Variants in GPAM observed in about 807,000 individuals in gnomAD.
The protein encoded by GPAM is glycerol-3-phosphate acyltransferase, mitochondrial, also known as glycerol-3-phosphate acyltransferase 1, mitochondrial.
Under a neutral mutation model 105.0 loss-of-function variants are expected in GPAM, and 56 were observed. The observed-to-expected ratio is 0.53, with a 90% confidence interval of 0.43 to 0.67. The LOEUF (loss-of-function observed/expected upper bound fraction) is 0.67. Among genes scored for constraint, GPAM ranks in the 30% least tolerant of loss-of-function variants. The pLI is 0.00. For missense variants in GPAM, 855 were observed against 989.8 expected, an observed-to-expected ratio of 0.86 and a Z score of 1.83; for synonymous variants, 368 against 354.4, an observed-to-expected ratio of 1.04 and a Z score of -0.43.
At chr10:112,164,157 T>A (rs987105930) in intron 13 of GPAM, among the ~76,000 whole-genome samples, 3 of 152,206 alleles carry the variant, frequency 2.0e-5, no homozygotes, top group Non-Finnish European at 2.9e-5. Flanking sequence ...TTCTCTAAGT[T>A]AAAATTCAAT....
At chr10:112,185,077 T>C (rs1847575649), upstream of GPAM, among the ~76,000 whole-genome samples, 1 of 152,290 alleles carries the variant, frequency 6.6e-6, no homozygotes, top group African/African-American at 2.4e-5. Context: ...AACCTCATAA[T>C]TCACAACTCA....
chr10:112,191,721 G>A (rs577969876), intron 1 of GPAM, among the ~76,000 whole-genome samples: 20 of 152,232 alleles, frequency 1.3e-4, no homozygotes, highest in Non-Finnish European at 2.8e-4. Flanking sequence ...AATTCTAAAT[G>A]GGCCTTTGTT....
intron 3 of GPAM, among the ~76,000 whole-genome samples, chr10:112,181,115 T>C (rs1847499428): frequency 1.3e-5 from 2 of 151,832 alleles, no homozygotes; most frequent in African/African-American, 4.8e-5. Context: ...TCTTCTATTC[T>C]AAAAATGCTT....
intron 18 of GPAM, 33 bp downstream of exon 18, chr10:112,158,283 T>C (rs1171450165): frequency 3.3e-6 from 4 of 1,212,488 alleles, no homozygotes; most frequent in Admixed American, 3.4e-5. Context: ...AGAGTAAGTA[T>C]AAAGACAAAT....
chr10:112,153,653 G>C lies in GPAM; in HGVS notation c.2384C>G (p.Thr795Ser). The C allele has an allele frequency of 1.2e-6, 2 of 1,609,572 alleles. No homozygotes were observed. The highest frequency in any genetic ancestry group is 1.7e-6 in the Non-Finnish European group (2 of 1,176,244). ...TAAAACAGACACTCTCTTTTGTTTG[G>C]TCTCCTTGAAAACCTAAAGAAAAGG... is the stretch of plus-strand genomic sequence containing the variant. ...MFKDIGVFKETKQKRVSVLEL... is the reference protein window; with the variant it reads ...MFKDIGVFKESKQKRVSVLEL... Residue 795 changes from threonine to serine, a missense_variant, in exon 22 of 22, where the codon ACC becomes AGC. Physicochemically the swap from Thr to Ser is moderately conservative, Grantham distance 58. Transcript: ENST00000348367.
intron 17 of GPAM, 134 bp from the exon 18 acceptor site, chr10:112,158,527 T>C (rs1414457795): frequency 1.5e-6 from 1 of 687,578 alleles, no homozygotes; most frequent in Admixed American, 2.1e-5. Context: ...GCAAGTCCTG[T>C]GATTCCCAGT....
chr10:112,223,001 C>G, the GPAM span, among the ~76,000 whole-genome samples: 2 of 152,102 alleles, frequency 1.3e-5, no homozygotes, highest in Admixed American at 6.5e-5. Context: ...CACATGTACC[C>G]CAGGCCACTC....
upstream of GPAM, among the ~76,000 whole-genome samples, chr10:112,185,182 T>A (rs2263608): frequency 0.68 from 104,041 of 152,012 alleles, 35,763 homozygotes; most frequent in South Asian, 0.83. Context: ...CACCAAAGGA[T>A]TAAACCGTTT....
chr10:112,151,222 T>C lies in GPAM; in HGVS notation c.*2328A>G. On this transcript the variant is annotated 3_prime_UTR_variant, in exon 22 of 22. Transcript: ENST00000348367. ...AATAAATTATTTACAAGCACCTAGTTTGTTTAACCTTATGTGGAAGCCATC... is the reference window on the plus strand; with the variant it reads ...AATAAATTATTTACAAGCACCTAGTCTGTTTAACCTTATGTGGAAGCCATC... The C allele has an allele frequency of 2.0e-6, 2 of 985,518 alleles. No homozygotes were observed. The highest frequency in any genetic ancestry group is 2.4e-6 in the Non-Finnish European group (2 of 829,612). 61.0% of individuals were successfully genotyped at this position (985,518 alleles called of 1,614,324 possible).
At chr10:112,182,389 A>G (rs1847525396) in intron 2 of GPAM, among the ~76,000 whole-genome samples, 1 of 152,262 alleles carries the variant, frequency 6.6e-6, no homozygotes, top group South Asian at 2.1e-4. Context: ...ATACAAAGCT[A>G]CAAAGCTCTG....
Position 112,151,694 on chromosome 10 carries a change from C to A in GPAM, c.*1856G>T. On this transcript the variant is annotated 3_prime_UTR_variant, in exon 22 of 22. Transcript: ENST00000348367. ...TGTCGACTGGGAAGCGAGTCCCAAT[C>A]TTGAATAATGGTGAGCTTGAGTAAT... 2.0e-6 allele frequency: 2 copies of A among 985,248 alleles called. No individual in the cohort carries two copies. Among genetic ancestry groups the A allele is most frequent in the Non-Finnish European group, 2.4e-6 (2 of 829,854 alleles). 61.0% of individuals were successfully genotyped at this position (985,248 alleles called of 1,614,324 possible).
At chr10:112,156,451 C>T (rs1847019057) in intron 19 of GPAM, 1 of 288,490 alleles carries the variant, frequency 3.5e-6, no homozygotes, top group Non-Finnish European at 6.7e-6. Context: ...TGGGAGACCA[C>T]CAAGATTATC....
chr10:112,203,709 C>T (rs1184403692), intron 1 of GPAM, among the ~76,000 whole-genome samples: 1 of 152,210 alleles, frequency 6.6e-6, no homozygotes, highest in South Asian at 2.1e-4. Context: ...GTGCCACACG[C>T]TCTCCATACA....
intron 9 of GPAM, among the ~76,000 whole-genome samples, chr10:112,169,169 A>C (rs1847270921): frequency 6.6e-6 from 1 of 152,188 alleles, no homozygotes; most frequent in Non-Finnish European, 1.5e-5. Flanking sequence ...CACTGTGTAT[A>C]ATGAGCCTCT....
chr10:112,150,888 T>C lies in GPAM; in HGVS notation c.*2662A>G. The C allele has an allele frequency of 1.0e-6, 1 of 984,922 alleles. No individual in the cohort carries two copies. Among genetic ancestry groups the C allele is most frequent in the South Asian group, 4.7e-5 (1 of 21,272 alleles). 61.0% of individuals were successfully genotyped at this position (984,922 alleles called of 1,614,324 possible). On this transcript the variant is annotated 3_prime_UTR_variant, in exon 22 of 22. Coordinates refer to ENST00000348367, the MANE Select transcript of GPAM (RefSeq NM_001244949.2). ...CAATTTGGGCTTACATTCATTGTAA[T>C]CCCAGAAATATTTTCTCCATTTACC...
chr10:112,173,357 GA>G (rs1373565075), intron 7 of GPAM, among the ~76,000 whole-genome samples: 2 of 152,140 alleles, frequency 1.3e-5, no homozygotes, highest in African/African-American at 4.8e-5. Flanking sequence ...CAAGGCGAAT[GA>G]ATATTTAGTG....
At chr10:112,180,622 G>C (rs752904254) in intron 3 of GPAM, 27 bp from the exon 4 acceptor site, 4 of 1,592,192 alleles carry the variant, frequency 2.5e-6, no homozygotes, top group Middle Eastern at 1.7e-4. Context: ...AAAAAATATA[G>C]TTTCTAAATG....
At chr10:112,223,360 G>C in the GPAM span, among the ~76,000 whole-genome samples, 1 of 152,206 alleles carries the variant, frequency 6.6e-6, no homozygotes, top group East Asian at 1.9e-4. Flanking sequence ...CAAGCTCCCT[G>C]TCTTGCACAT....
chr10:112,171,368 C>A (rs994252420), intron 9 of GPAM, among the ~76,000 whole-genome samples: 4 of 152,170 alleles, frequency 2.6e-5, no homozygotes, highest in Admixed American at 6.5e-5. Context: ...ACAATTTAAA[C>A]CTCCATTATC....
Sources: allele counts gnomAD v4.1 joint callset (sites outside exome capture counted in the v4.1 genomes callset), GRCh38; gene constraint gnomAD v4.1.1; transcripts MANE v1.5; gene names NCBI Gene and HGNC (gene_info 2026-07-23, HGNC 2026-07-21).